The following LETM1 variants were observed in gnomAD, a reference collection of about 807,000 sequenced individuals.
LETM1 encodes leucine zipper and EF-hand containing transmembrane protein 1.
In LETM1, 50 loss-of-function variants were observed where a neutral mutation model predicts 74.5. The observed-to-expected ratio is 0.67, with a 90% confidence interval of 0.53 to 0.85. LETM1 has a LOEUF of 0.85. Among genes scored for constraint, LETM1 ranks in the 40% least tolerant of loss-of-function variants. LETM1 has a pLI of 0.00. For synonymous variants in LETM1, 446 were observed against 407.1 expected (o/e 1.10, Z -1.15); for missense variants, 824 against 967.8 (o/e 0.85, Z 1.97).
intron 4 of LETM1, 123 bp from the exon 5 acceptor site, chr4:1,835,105 C>T: frequency 3.4e-6 from 3 of 892,748 alleles, no homozygotes; most frequent in Non-Finnish European, 5.1e-6. Context: ...TGACTCTCAT[C>T]TAAGTGCAAT....
Position 1,823,241 on chromosome 4 carries a change from T to TCA in LETM1, c.1333-112_1333-111dup, listed in dbSNP as rs1193454392. On this transcript the variant is annotated intron_variant, in intron 8 of 13. Transcript: ENST00000302787. Reference sequence around the variant, plus strand: ...CCCCTGCCCCGTCACCACCTGGGCTTCACACACACAGGACAGAAGGCACTG... The same window carrying TCA: ...CCCCTGCCCCGTCACCACCTGGGCTTCACACACACACAGGACAGAAGGCACTG... 9 of 1,352,234 alleles carry TCA rather than the reference T, an allele frequency of 6.7e-6. No homozygotes were observed. In the Admixed American group the frequency reaches 1.2e-4, roughly 18 times the overall value. The allele number at this position is 1,352,234 out of a possible 1,614,324, so 83.8% of individuals were successfully genotyped here. A position where few individuals can be genotyped will look rare whatever the true frequency, so the allele number is the denominator to read the frequency against.
At chr4:1,843,511 T>C (rs192427880) in intron 2 of LETM1, among the ~76,000 whole-genome samples, 26 of 152,316 alleles carry the variant, frequency 1.7e-4, no homozygotes, top group Middle Eastern at 3.4e-3. Flanking sequence ...CCAGTAATGG[T>C]CTGGGGACCT....
rs1387350699 is a variant in LETM1 at position 1,823,149 on chromosome 4, T to C, written c.1333-18A>G. The C allele has an allele frequency of 1.9e-6, 3 of 1,566,614 alleles. No individual in the cohort carries two copies. The highest frequency in any genetic ancestry group is 2.7e-5 in the African/African-American group (2 of 73,000). The stretch of plus-strand genomic sequence containing the variant: ...TCCTTTGCCTTCAGAAGAGGGTACA[T>C]CTGTGGGTGAGCCCAGAAGCCACCA... On this transcript the variant is annotated intron_variant, in intron 8 of 13. Transcript: ENST00000302787.
In LETM1 at chr4:1,841,795, T is replaced by C. The variant is rs1712709655; in HGVS notation, c.146A>G (p.Asn49Ser). 4.4e-6 allele frequency: 7 copies of C among 1,608,972 alleles called. No individual in the cohort carries two copies. The highest frequency in any genetic ancestry group is 5.9e-6 in the Non-Finnish European group (7 of 1,177,736). Reference sequence around the variant, plus strand: ...GGGAGTGCAGCAGCCAAATGGAACATTCCTTGAAAAGGGAAGAGTGGAAAA... The same window carrying C: ...GGGAGTGCAGCAGCCAAATGGAACACTCCTTGAAAAGGGAAGAGTGGAAAA... ...ASTLGLRNCL[N>S]VPFGCCTPIH... Residue 49 changes from asparagine to serine, a missense_variant and splice_region_variant, in exon 3 of 14, where the codon AAT (asparagine) becomes AGT (serine). Asn to Ser is a conservative substitution (Grantham distance 46). Around this residue, in one of 4 missense-constraint regions of LETM1, gnomAD observed 222 missense variants for 195.6 expected, o/e 1.14. Coordinates refer to ENST00000302787, the MANE Select transcript of LETM1 (RefSeq NM_012318.3).
chr4:1,825,972 G>A lies in LETM1; in HGVS notation c.1081-289C>T, dbSNP rs1043130204. On this transcript the variant is annotated intron_variant, in intron 6 of 13. Transcript: ENST00000302787. ...ACCCTGGCCACTCCTGCCACCTGCT[G>A]TTTCTCCTGATCCCCCAGTCCCCCA... 3.9e-5 allele frequency among the ~76,000 whole-genome samples: 6 copies of A among 152,058 alleles called. 1 individual carries two copies. Among genetic ancestry groups the A allele is most frequent in the Non-Finnish European group, 8.8e-5 (6 of 68,018 alleles).
At chr4:1,855,667 G>C (rs1263768085) in intron 1 of LETM1, among the ~76,000 whole-genome samples, 1 of 152,164 alleles carries the variant, frequency 6.6e-6, no homozygotes, top group African/African-American at 2.4e-5. Context: ...CACAACACAC[G>C]GCAGAGGCCC....
intron 13 of LETM1, 33 bp from the exon 14 acceptor site, chr4:1,814,606 G>GCCAC: frequency 6.3e-7 from 1 of 1,590,420 alleles, no homozygotes; most frequent in Non-Finnish European, 8.6e-7. Context: ...GGCTCAGGTG[G>GCCAC]CTGCGCCCTA....
At chr4:1,822,925 G>T in intron 9 of LETM1, 63 bp downstream of exon 9, 1 of 1,306,116 alleles carries the variant, frequency 7.7e-7, no homozygotes. Context: ...TGGGCGTGCG[G>T]GGGTTTCTAG....
At chr4:1,837,471 T>C (rs1712497560) in intron 3 of LETM1, among the ~76,000 whole-genome samples, 1 of 152,172 alleles carries the variant, frequency 6.6e-6, no homozygotes, top group Non-Finnish European at 1.5e-5. Context: ...CTGTATTTTT[T>C]GACTGATTTA....
intron 6 of LETM1, among the ~76,000 whole-genome samples, chr4:1,827,364 T>C (rs1186888655): frequency 1.6e-5 from 2 of 126,372 alleles, no homozygotes; most frequent in Non-Finnish European, 3.3e-5. Flanking sequence ...CATGGGACAA[T>C]AGTGGAGGGA....
At chr4:1,827,929 C>T (rs1316851874) in intron 6 of LETM1, among the ~76,000 whole-genome samples, 1 of 148,562 alleles carries the variant, frequency 6.7e-6, no homozygotes, top group Non-Finnish European at 1.5e-5. Context: ...GCTGACCCCC[C>T]AACCTCCCTC....
intron 3 of LETM1, among the ~76,000 whole-genome samples, chr4:1,838,092 T>TC (rs1712517637): frequency 2.0e-5 from 3 of 152,060 alleles, no homozygotes; most frequent in Admixed American, 6.6e-5. Flanking sequence ...CACAGGATTA[T>TC]CTTTTTTTTT....
chr4:1,823,237 G>A lies in LETM1; in HGVS notation c.1333-106C>T, dbSNP rs560564886. On this transcript the variant is annotated intron_variant, in intron 8 of 13. Transcript: ENST00000302787. ...GTGTCCCCTGCCCCGTCACCACCTGGGCTTCACACACACAGGACAGAAGGC... is the reference window on the plus strand; with the variant it reads ...GTGTCCCCTGCCCCGTCACCACCTGAGCTTCACACACACAGGACAGAAGGC... The A allele has an allele frequency of 1.0e-4, 138 of 1,371,952 alleles. No individual in the cohort carries two copies. In the African/African-American group the frequency reaches 1.8e-3, roughly 18 times the overall value. The allele number at this position is 1,371,952 out of a possible 1,614,324, so 85.0% of individuals were successfully genotyped here.
rs1273644607 is a variant in LETM1, at chr4:1,841,771, GGAGTGCAGCAGCCAA to G, written c.155_169del (p.Phe52_Pro57delinsSer). 1 of 1,613,358 alleles carries G rather than the reference GGAGTGCAGCAGCCAA, an allele frequency of 6.2e-7. No individual in the cohort carries two copies. Among genetic ancestry groups the G allele is most frequent in the South Asian group, 1.1e-5 (1 of 91,070 alleles). ...GGAGGATGTGTACACAGGGTGGATG[GGAGTGCAGCAGCCAA>G]ATGGAACATTCCTTGAAAAGGGAAG... is the stretch of plus-strand genomic sequence containing the variant. On this transcript the variant is annotated inframe_deletion, in exon 3 of 14. Transcript: ENST00000302787.
chr4:1,845,247 ATC>A (rs1181163273), intron 2 of LETM1, among the ~76,000 whole-genome samples: 1 of 152,174 alleles, frequency 6.6e-6, no homozygotes. Context: ...GGGCCATTTC[ATC>A]TGAGGATTAC....
At chr4:1,822,671 C>T in intron 9 of LETM1, 1 of 348,250 alleles carries the variant, frequency 2.9e-6, no homozygotes, top group Non-Finnish European at 5.1e-6. Flanking sequence ...GGGGAGCCTG[C>T]AGCTCCTCTG....
intron 3 of LETM1, chr4:1,839,376 G>C (rs1257985663): frequency 6.6e-6 from 1 of 152,320 alleles, no homozygotes; most frequent in Non-Finnish European, 1.5e-5. Flanking sequence ...CAGCAGAGGT[G>C]CACCTGTGCA....
At chr4:1,832,448 G>C (rs1317987254) in intron 6 of LETM1, among the ~76,000 whole-genome samples, 8 of 152,196 alleles carry the variant, frequency 5.3e-5, no homozygotes, top group African/African-American at 1.9e-4. Flanking sequence ...GATGTGAGGA[G>C]AGAGGCACAG....
At chr4:1,843,024 C>A in intron 2 of LETM1, 1 of 379,902 alleles carries the variant, frequency 2.6e-6, no homozygotes, top group South Asian at 1.9e-5. Context: ...CCATGTGTGT[C>A]GCATAACTTC....
Sources: gnomAD v4.1 joint callset for allele counts (sites outside exome capture counted in the v4.1 genomes callset) on GRCh38, gnomAD v4.1.1 for gene constraint, gnomAD v4.1.1 regional missense constraint, MANE v1.5 for transcripts, NCBI Gene and HGNC (gene_info 2026-07-23, HGNC 2026-07-21) for gene names.